The following APBB2 variants were observed in gnomAD, a reference collection of about 807,000 sequenced individuals.
APBB2 encodes amyloid beta precursor protein binding family B member 2, also known as Fe65-like 1.
Under a neutral mutation model 82.5 loss-of-function variants are expected in APBB2, and 38 were observed. The observed-to-expected ratio is 0.46, with a 90% CI of 0.36 to 0.60. The LOEUF is 0.60. APBB2 is among the 20% of genes least tolerant of loss of function. The pLI, the probability that APBB2 is intolerant of heterozygous loss-of-function variation, is 0.00. For synonymous variants in APBB2, 341 were observed against 368.2 expected (o/e 0.93, Z 0.85); for missense variants, 772 against 972.3 (o/e 0.79, Z 2.74).
At chr4:40,903,779 AG>A (rs1469840469) in intron 10 of APBB2, among the ~76,000 whole-genome samples, 1 of 152,180 alleles carries the variant, frequency 6.6e-6, no homozygotes, top group Non-Finnish European at 1.5e-5. Context: ...GCTAGATCCT[AG>A]GAACATGGTG....
intron 1 of APBB2, among the ~76,000 whole-genome samples, chr4:41,208,981 G>A (rs1162028648): frequency 1.3e-5 from 2 of 152,118 alleles, no homozygotes; most frequent in Non-Finnish European, 2.9e-5. Flanking sequence ...AATATCTCCT[G>A]TAACTCTACA....
At chr4:41,049,075 C>T (rs1011021141) in intron 4 of APBB2, among the ~76,000 whole-genome samples, 1 of 151,764 alleles carries the variant, frequency 6.6e-6, no homozygotes, top group Non-Finnish European at 1.5e-5. Context: ...AGCCTCTGCC[C>T]GGCCGCCACC....
At chr4:40,841,191 C>A (rs1347297863) in intron 12 of APBB2, among the ~76,000 whole-genome samples, 6 of 152,150 alleles carry the variant, frequency 3.9e-5, no homozygotes, top group African/African-American at 1.4e-4. Flanking sequence ...GTCACAACAC[C>A]AGTGTGGCAG....
intron 4 of APBB2, among the ~76,000 whole-genome samples, chr4:41,048,718 G>A (rs1724390781): frequency 7.1e-6 from 1 of 141,616 alleles, no homozygotes; most frequent in Admixed American, 7.5e-5. Flanking sequence ...TCCCTCTGAT[G>A]CCGAGCGGAA....
chr4:40,940,758 T>C (rs565794379), intron 7 of APBB2, among the ~76,000 whole-genome samples: 1 of 152,286 alleles, frequency 6.6e-6, no homozygotes, highest in East Asian at 1.9e-4. Context: ...CTTTCTTCTG[T>C]AGGAAGACCA....
At chr4:41,098,014 T>G (rs1015328410) in intron 3 of APBB2, among the ~76,000 whole-genome samples, 1 of 143,366 alleles carries the variant, frequency 7.0e-6, no homozygotes, top group Non-Finnish European at 1.6e-5. Context: ...ACCTCCCCCC[T>G]CCCCTCCCGT....
In APBB2 at chr4:40,964,753, A is replaced by AACAC. The variant is rs61087697; in HGVS notation, c.836-19684_836-19681dup. On this transcript the variant is annotated intron_variant, in intron 6 of 17. Transcript: ENST00000508593. Reference sequence around the variant, plus strand: ...CACGGGGGAAAATACCCATTGAATAAACACACACACACACACACACACAAC... The same window carrying AACAC: ...CACGGGGGAAAATACCCATTGAATAAACACACACACACACACACACACACACAAC... Among the ~76,000 whole-genome samples the AACAC allele has an allele frequency of 1.2e-3, 174 of 139,760 alleles. 2 individuals are homozygous for AACAC. The South Asian group carries it at 0.031, about 25-fold the overall frequency. 91.7% of individuals were successfully genotyped at this position (139,760 alleles called of 152,430 possible). A position where few individuals can be genotyped will look rare whatever the true frequency, so the allele number is the denominator to read the frequency against.
rs544863202 is a variant in APBB2 at position 41,082,407 on chromosome 4, C to T, written c.-148-16734G>A. ...TCCTTAGCTCTTGGAACCTATGGAACGCATAATGATCCAGTGTATTTTCTT... is the reference window on the plus strand; with the variant it reads ...TCCTTAGCTCTTGGAACCTATGGAATGCATAATGATCCAGTGTATTTTCTT... On this transcript the variant is annotated intron_variant, in intron 3 of 17. Transcript: ENST00000508593. Among the ~76,000 whole-genome samples the T allele has an allele frequency of 3.3e-5, 5 of 152,142 alleles. No homozygotes were observed. The South Asian group carries it at 6.2e-4, about 19-fold the overall frequency.
At chr4:41,143,871 G>A (rs1488367506) in intron 1 of APBB2, among the ~76,000 whole-genome samples, 2 of 152,202 alleles carry the variant, frequency 1.3e-5, no homozygotes, top group Non-Finnish European at 2.9e-5. Context: ...CTGGGCAAAA[G>A]GAATCCCTTA....
intron 12 of APBB2, among the ~76,000 whole-genome samples, chr4:40,831,079 A>G (rs1261117854): frequency 1.3e-5 from 2 of 152,198 alleles, no homozygotes; most frequent in African/African-American, 4.8e-5. Flanking sequence ...AGACTGGTCA[A>G]CAGAACAAGA....
At chr4:40,903,535 T>C (rs6848918) in intron 10 of APBB2, among the ~76,000 whole-genome samples, 1,896 of 152,266 alleles carry the variant, frequency 0.012, 31 homozygotes, top group African/African-American at 0.043. Flanking sequence ...ATATTACCCT[T>C]GATGCACCAG....
chr4:41,202,471 A>C (rs1323770706), intron 1 of APBB2, among the ~76,000 whole-genome samples: 1 of 152,242 alleles, frequency 6.6e-6, no homozygotes, highest in Non-Finnish European at 1.5e-5. Context: ...CATTGCTAAC[A>C]GGATATAAAA....
At chr4:41,181,810 T>C (rs1253729023) in intron 1 of APBB2, among the ~76,000 whole-genome samples, 1 of 151,772 alleles carries the variant, frequency 6.6e-6, no homozygotes, top group Non-Finnish European at 1.5e-5. Flanking sequence ...CCCGGCATGG[T>C]GGCAACATGC....
At chr4:40,901,942 T>TGTGA (rs1775425135) in intron 10 of APBB2, among the ~76,000 whole-genome samples, 1 of 148,992 alleles carries the variant, frequency 6.7e-6, no homozygotes, top group African/African-American at 2.5e-5. Flanking sequence ...TGTGTGTGTG[T>TGTGA]GATGGAAAGA....
intron 6 of APBB2, among the ~76,000 whole-genome samples, chr4:41,009,631 C>T (rs984365544): frequency 4.6e-5 from 7 of 152,090 alleles, no homozygotes; most frequent in Non-Finnish European, 7.4e-5. Context: ...GTCTACGATC[C>T]AAAGATAATT....
At chr4:41,101,145 C>A (rs1300111298) in intron 2 of APBB2, among the ~76,000 whole-genome samples, 1 of 152,182 alleles carries the variant, frequency 6.6e-6, no homozygotes, top group Non-Finnish European at 1.5e-5. Context: ...ATGAGCTCAT[C>A]TTATCAACAC....
chr4:40,853,341 G>A (rs10022828), intron 12 of APBB2, among the ~76,000 whole-genome samples: 6,850 of 151,044 alleles, frequency 0.045, 253 homozygotes, highest in African/African-American at 0.097. Flanking sequence ...AAACCTTTAA[G>A]CACTGCCCAC....
intron 1 of APBB2, among the ~76,000 whole-genome samples, chr4:41,159,907 AAGGAGG>A (rs539873521): frequency 6.2e-4 from 22 of 35,604 alleles, no homozygotes; most frequent in African/African-American, 1.9e-3. Flanking sequence ...GAAGAAGGAG[AAGGAGG>A]AGGAGGAGGA....
intron 6 of APBB2, among the ~76,000 whole-genome samples, chr4:40,996,095 G>A (rs372212382): frequency 4.2e-4 from 64 of 152,316 alleles, no homozygotes; most frequent in African/African-American, 1.4e-3. Flanking sequence ...GTTTGTGAGT[G>A]CTCAAGCATG....
Sources: allele counts gnomAD v4.1 joint callset (sites outside exome capture counted in the v4.1 genomes callset), GRCh38; gene constraint gnomAD v4.1.1; transcripts MANE v1.5; gene names NCBI Gene and HGNC (gene_info 2026-07-23, HGNC 2026-07-21).